HMCN1: variants seen among roughly 807,000 people sequenced by gnomAD.
HMCN1 encodes the protein hemicentin-1.
In HMCN1, 321 loss-of-function variants were observed where a neutral mutation model predicts 625.9. That is an observed-to-expected ratio of 0.51 (90% confidence interval 0.47 to 0.56). The LOEUF is 0.56. Ranked by LOEUF, HMCN1 falls within the 20% of genes least tolerant of loss-of-function variation. The pLI is 0.00. For missense variants in HMCN1, 6,588 were observed against 6,887.3 expected (o/e 0.96, Z 1.54); for synonymous variants, 2,425 against 2,417.6 (o/e 1.00, Z -0.09).
chr1:185,921,501 A>G (rs1384271493), intron 6 of HMCN1, among the ~76,000 whole-genome samples: 1 of 152,180 alleles, frequency 6.6e-6, no homozygotes, highest in African/African-American at 2.4e-5. Flanking sequence ...ATACACAAAT[A>G]CGGCTGTCTA....
intron 2 of HMCN1, among the ~76,000 whole-genome samples, chr1:185,851,327 G>T (rs10127552): frequency 0.031 from 4,652 of 152,102 alleles, 256 homozygotes; most frequent in African/African-American, 0.11. Context: ...ACAATGAGAA[G>T]TAAATTCAGT....
At chr1:185,960,255 A>G (rs980631027) in intron 11 of HMCN1, among the ~76,000 whole-genome samples, 23 of 151,240 alleles carry the variant, frequency 1.5e-4, no homozygotes, top group Admixed American at 1.5e-3. Flanking sequence ...CAGCCTCCCA[A>G]GTAGCTGGGA....
chr1:186,026,938 G>GT (rs1006830326), intron 36 of HMCN1, among the ~76,000 whole-genome samples: 22 of 149,406 alleles, frequency 1.5e-4, no homozygotes, highest in East Asian at 3.9e-4. Flanking sequence ...CCCAGCCCAG[G>GT]TTTTTTTTTT....
intron 4 of HMCN1, among the ~76,000 whole-genome samples, chr1:185,887,317 A>T (rs1284353972): frequency 6.6e-6 from 1 of 151,870 alleles, no homozygotes; most frequent in Admixed American, 6.6e-5. Flanking sequence ...TTTATTTTTT[A>T]TTATTATACT....
At chr1:185,929,351 A>C (rs1012987612) in intron 10 of HMCN1, among the ~76,000 whole-genome samples, 3 of 152,168 alleles carry the variant, frequency 2.0e-5, no homozygotes, top group Non-Finnish European at 4.4e-5. Flanking sequence ...TGGGAGATAT[A>C]GTTCATATTA....
chr1:185,817,916 A>G (rs1659941357), intron 1 of HMCN1, among the ~76,000 whole-genome samples: 1 of 152,158 alleles, frequency 6.6e-6, no homozygotes, highest in Non-Finnish European at 1.5e-5. Context: ...CTTTACAGCT[A>G]CTATGCTTTC....
chr1:185,875,324 C>G (rs1025370078), intron 4 of HMCN1, among the ~76,000 whole-genome samples: 1 of 151,934 alleles, frequency 6.6e-6, no homozygotes, highest in Non-Finnish European at 1.5e-5. Context: ...CTCATATACT[C>G]ATGTTACAGG....
Position 185,920,938 on chromosome 1 carries a change from A to T in HMCN1, c.901-1441A>T, listed in dbSNP as rs140222118. On this transcript the variant is annotated intron_variant, in intron 6 of 106. Coordinates refer to ENST00000271588, the MANE Select transcript of HMCN1 (RefSeq NM_031935.3). ...AGATCAAGCATTCTGACTGACTTACATGAAATTAGTAGGTGATAGTGTCTT... is the reference window on the plus strand; with the variant it reads ...AGATCAAGCATTCTGACTGACTTACTTGAAATTAGTAGGTGATAGTGTCTT... Among the ~76,000 whole-genome samples the T allele has an allele frequency of 3.0e-4, 45 of 152,368 alleles. No homozygotes were observed. In the East Asian group the frequency reaches 7.5e-3, roughly 25 times the overall value.
chr1:185,794,427 A>G (rs1658221431), intron 1 of HMCN1, among the ~76,000 whole-genome samples: 3 of 151,400 alleles, frequency 2.0e-5, no homozygotes, highest in Non-Finnish European at 4.4e-5. Context: ...CTGCAAGCTG[A>G]GGAGTAAGGA....
intron 1 of HMCN1, among the ~76,000 whole-genome samples, chr1:185,784,194 C>G (rs1038276291): frequency 2.0e-5 from 3 of 152,216 alleles, no homozygotes; most frequent in Admixed American, 1.3e-4. Flanking sequence ...TTGCTAAGAC[C>G]ATTGGAAAAG....
At chr1:185,937,709 A>G (rs1667880128) in intron 11 of HMCN1, among the ~76,000 whole-genome samples, 1 of 151,816 alleles carries the variant, frequency 6.6e-6, no homozygotes, top group Non-Finnish European at 1.5e-5. Flanking sequence ...GTGAAACCCT[A>G]TCTCAACTAA....
rs1652090211 is a variant in HMCN1 at position 186,169,524 on chromosome 1, G to C, written c.15575-1813G>C. On this transcript the variant is annotated intron_variant, in intron 100 of 106. Transcript: ENST00000271588. The stretch of plus-strand genomic sequence containing the variant: ...CAAATGGAACAGAACAGAGGCCTCA[G>C]AAATAACACCACATCTACAACCATC... Among the ~76,000 whole-genome samples, 3 of 152,150 alleles carry C rather than the reference G, an allele frequency of 2.0e-5. No individual in the cohort carries two copies. The South Asian group carries it at 6.2e-4, about 32-fold the overall frequency.
chr1:186,011,727 T>C (rs1255483971), intron 30 of HMCN1, among the ~76,000 whole-genome samples: 3 of 152,196 alleles, frequency 2.0e-5, no homozygotes, highest in Non-Finnish European at 2.9e-5. Flanking sequence ...GCATGGAGAA[T>C]GCATAAAGCT....
chr1:185,991,761 T>C (rs1302667736), intron 22 of HMCN1, among the ~76,000 whole-genome samples: 2 of 152,160 alleles, frequency 1.3e-5, no homozygotes, highest in Non-Finnish European at 1.5e-5. Flanking sequence ...TATTTCTCTT[T>C]GTATACTCAT....
intron 4 of HMCN1, among the ~76,000 whole-genome samples, chr1:185,888,224 G>T (rs1350531293): frequency 9.4e-6 from 1 of 106,332 alleles, no homozygotes; most frequent in Admixed American, 8.7e-5. Context: ...TGTCAGATGA[G>T]TAGGTTGCGA....
At chr1:186,128,595 C>G (rs1389519213) in intron 83 of HMCN1, among the ~76,000 whole-genome samples, 1 of 151,926 alleles carries the variant, frequency 6.6e-6, no homozygotes, top group Non-Finnish European at 1.5e-5. Context: ...TAAACTTATC[C>G]CAGCTGGACC....
chr1:185,797,386 C>A (rs561594680), intron 1 of HMCN1, among the ~76,000 whole-genome samples: 2 of 152,274 alleles, frequency 1.3e-5, no homozygotes, highest in African/African-American at 4.8e-5. Context: ...ATCAATGTAA[C>A]CTCAAACCTC....
At chr1:185,926,377 A>G (rs1181784672) in intron 9 of HMCN1, among the ~76,000 whole-genome samples, 1 of 152,182 alleles carries the variant, frequency 6.6e-6, no homozygotes, top group Non-Finnish European at 1.5e-5. Flanking sequence ...CCCCTTACAT[A>G]GTATATCTTA....
intron 1 of HMCN1, among the ~76,000 whole-genome samples, chr1:185,823,887 CT>C (rs1660349925): frequency 6.6e-6 from 1 of 152,102 alleles, no homozygotes; most frequent in Non-Finnish European, 1.5e-5. Context: ...ATTTGTGTTG[CT>C]TTTCTAATGT....
Sources: gnomAD v4.1 joint callset for allele counts (sites outside exome capture counted in the v4.1 genomes callset) on GRCh38, gnomAD v4.1.1 for gene constraint, MANE v1.5 for transcripts, NCBI Gene and HGNC (gene_info 2026-07-23, HGNC 2026-07-21) for gene names.